GOLGA2: variants seen among roughly 807,000 people sequenced by gnomAD.
GOLGA2 encodes golgin A2.
GOLGA2 carries 49 observed loss-of-function variants against 148.8 expected under a neutral mutation model. The ratio of observed to expected loss-of-function variants is 0.33; its 90% CI spans 0.26 to 0.42. The LOEUF (loss-of-function observed/expected upper bound fraction) is 0.42. Among genes scored for constraint, GOLGA2 ranks in the 10% least tolerant of loss-of-function variants. The pLI, the probability that GOLGA2 is intolerant of heterozygous loss-of-function variation, is 1.00. For synonymous variants in GOLGA2, 501 were observed against 511.8 expected, an observed-to-expected ratio of 0.98 and a Z score of 0.28; for missense variants, 1,178 against 1,304.6, an observed-to-expected ratio of 0.90 and a Z score of 1.49.
chr9:128,268,300 T>TC (rs1289046056), intron 4 of GOLGA2, 120 bp downstream of exon 4: 3 of 1,060,214 alleles, frequency 2.8e-6, no homozygotes, highest in Non-Finnish European at 2.9e-6. Context: ...GTCTGAGCCT[T>TC]CCCCCGGCCC....
chr9:128,268,587 C>T, intron 3 of GOLGA2, 63 bp from the exon 4 acceptor site: 1 of 847,412 alleles, frequency 1.2e-6, no homozygotes, highest in Non-Finnish European at 2.0e-6. Flanking sequence ...GTACTATGAA[C>T]ACAAGGGTGT....
rs139865331 is a variant in GOLGA2 at position 128,269,796 on chromosome 9, C to T, written c.289-1272G>A. ...ACCTCTCTCCAGGGAAAGGACTGCG[C>T]GCTCACTGGACCCTTCAGCCCTGGC... On this transcript the variant is annotated intron_variant, in intron 3 of 26. Transcript: ENST00000611957. 7.7e-3 allele frequency among the ~76,000 whole-genome samples: 1,176 copies of T among 152,332 alleles called. 12 individuals are homozygous for T. The highest frequency in any genetic ancestry group is 0.026 in the African/African-American group (1,072 of 41,564).
chr9:128,267,509 T>C lies in GOLGA2; in HGVS notation c.510A>G (p.Thr170=), dbSNP rs754013748. ...QLNGLVCESA[T]CVNGEGPASS... is the part of the protein sequence containing the mutation. ...ATGCAGGGCCCTCCCCATTGACACA[T>C]GTCGCAGACTATAAGAGACGAGAGT... Residue 170 remains threonine (T), a synonymous_variant, in exon 7 of 27, where the codon ACA becomes ACG. Transcript: ENST00000611957. The C allele has an allele frequency of 3.8e-5, 61 of 1,612,162 alleles. No homozygotes were observed. Among genetic ancestry groups the C allele is most frequent in the Non-Finnish European group, 4.9e-5 (58 of 1,178,302 alleles).
In GOLGA2 at chr9:128,261,029, C is replaced by A; in HGVS notation, c.1420+143G>T. ...GGGGCACTGAGGCTCATGGAGATGA[C>A]GAGACTTGCCATCTCCTGGCACAGA... On this transcript the variant is annotated intron_variant, in intron 17 of 26. Transcript: ENST00000611957. This position sits in a 1 kb window ranked among gnomAD's most constrained non-coding sequence, Gnocchi z 5.7. The A allele has an allele frequency of 2.8e-6, 2 of 724,852 alleles. No homozygotes were observed. Among genetic ancestry groups the A allele is most frequent in the Non-Finnish European group, 4.9e-6 (2 of 405,818 alleles). 44.9% of individuals were successfully genotyped at this position (724,852 alleles called of 1,614,324 possible).
intron 7 of GOLGA2, 73 bp from the exon 8 acceptor site, chr9:128,267,347 G>T: frequency 7.2e-7 from 1 of 1,380,844 alleles, no homozygotes; most frequent in Non-Finnish European, 1.0e-6. Context: ...CATTAGGGTT[G>T]GGGGGTGTGT....
rs561281683 is a variant in GOLGA2, at chr9:128,262,076, C to T, written c.1135-319G>A. 56 of 319,756 alleles carry T rather than the reference C, an allele frequency of 1.8e-4. 2 individuals are homozygous for T. The South Asian group carries it at 2.1e-3, about 12-fold the overall frequency. The allele number at this position is 319,756 out of a possible 1,614,324, so 19.8% of individuals were successfully genotyped here. ...ATTAGCCAGGCATGGTAGTGTGCGC[C>T]TGTAGTCCCAACTACTTGAGAAGCT... On this transcript the variant is annotated intron_variant, in intron 14 of 26. Coordinates refer to ENST00000611957, the MANE Select transcript of GOLGA2 (RefSeq NM_001366244.2).
chr9:128,257,042 A>C lies in GOLGA2; in HGVS notation c.*25T>G. On this transcript the variant is annotated 3_prime_UTR_variant, in exon 27 of 27. Transcript: ENST00000611957. This position sits in a 1 kb window ranked among gnomAD's most constrained non-coding sequence, Gnocchi z 8.0. ...GCAGGGTATCCAGCCCCACTTCTTCAGGCTTTGCTGACAGTAGCCGGCTTT... is the reference window on the plus strand; with the variant it reads ...GCAGGGTATCCAGCCCCACTTCTTCCGGCTTTGCTGACAGTAGCCGGCTTT... 6.4e-7 allele frequency: 1 copy of C among 1,563,442 alleles called. No homozygotes were observed. Among genetic ancestry groups the C allele is most frequent in the East Asian group, 2.2e-5 (1 of 44,496 alleles).
intron 3 of GOLGA2, among the ~76,000 whole-genome samples, chr9:128,272,356 C>T (rs1185570283): frequency 6.6e-6 from 1 of 151,910 alleles, no homozygotes; most frequent in Admixed American, 6.6e-5. Flanking sequence ...TGGTGGCAGG[C>T]ACCTGTAATC....
rs751648610 is a variant in GOLGA2 at position 128,265,701 on chromosome 9, G to A, written c.827-10C>T. On this transcript the variant is annotated splice_polypyrimidine_tract_variant and intron_variant, in intron 11 of 26. Transcript: ENST00000611957. ...AGATCTTCAGACTCTCCTGGAATGAGAGAGGTTGAGATGGGGCCCAAAGGA... is the reference window on the plus strand; with the variant it reads ...AGATCTTCAGACTCTCCTGGAATGAAAGAGGTTGAGATGGGGCCCAAAGGA... 1.2e-6 allele frequency: 2 copies of A among 1,613,236 alleles called. No individual in the cohort carries two copies. The highest frequency in any genetic ancestry group is 1.7e-6 in the Non-Finnish European group (2 of 1,179,206).
chr9:128,272,480 GA>G (rs961860424), intron 3 of GOLGA2, among the ~76,000 whole-genome samples: 9 of 144,438 alleles, frequency 6.2e-5, no homozygotes, highest in African/African-American at 2.3e-4. Flanking sequence ...CTCCGTCTCT[GA>G]AAAAAAAAGA....
rs1246451463 is a variant in GOLGA2, at chr9:128,258,102, C to T, written c.2386G>A (p.Ala796Thr). 4.3e-6 allele frequency: 7 copies of T among 1,609,940 alleles called. No homozygotes were observed. The Admixed American group carries it at 8.3e-5, about 19-fold the overall frequency. The change falls in exon 23 of 27, where the codon GCT (alanine) becomes ACT (threonine). Residue 796 changes from alanine (A) to threonine (T), a missense_variant. Ala to Thr is a moderately conservative substitution (Grantham distance 58). This residue lies in a region of GOLGA2 where 529 missense variants were observed against 521.8 expected (regional missense o/e 1.01). Coordinates refer to ENST00000611957, the MANE Select transcript of GOLGA2 (RefSeq NM_001366244.2). The surrounding 1 kb of genome is among the most constrained non-coding windows in gnomAD (Gnocchi z 6.6). ...TTCTGGGCCGAGGCCAGCAGGTGAG[C>T]CAGGCGCCGGCAGCGCACCCTTTGC... ...KEQRVRCRRL[A>T]HLLASAQKEP...
rs993587061 is a variant in GOLGA2 at position 128,257,293 on chromosome 9, G to C, written c.2876-12C>G. On this transcript the variant is annotated splice_polypyrimidine_tract_variant and intron_variant, in intron 26 of 26. Transcript: ENST00000611957. The surrounding 1 kb of genome is among the most constrained non-coding windows in gnomAD (Gnocchi z 8.0). ...CACCTCGCAAAGATCTTTGGAGAGA[G>C]AGAGGCAGGGCTCTGAGTGCCACGC... 15 of 1,612,642 alleles carry C rather than the reference G, an allele frequency of 9.3e-6. No homozygotes were observed. Among genetic ancestry groups the C allele is most frequent in the Non-Finnish European group, 1.3e-5 (15 of 1,179,688 alleles).
At position 128,260,602 on chromosome 9, in the gene GOLGA2, A is replaced by C; in HGVS notation, c.1621T>G (p.Trp541Gly). Reference protein sequence around the residue: ...LLELERAAELWGEQAEARRQI... With the variant: ...LLELERAAELGGEQAEARRQI... Reference sequence around the variant, plus strand: ...CTGCGCGCCTCCGCCTGCTCCCCCCAGAGCTCGGCCGCCCGCTCCAGCTCC... The same window carrying C: ...CTGCGCGCCTCCGCCTGCTCCCCCCCGAGCTCGGCCGCCCGCTCCAGCTCC... Residue 541 changes from tryptophan to glycine, a missense_variant, in exon 18 of 27, where the codon TGG becomes GGG. By Grantham distance (184) the Trp-to-Gly change is radical. Transcript: ENST00000611957. This position sits in a 1 kb window ranked among gnomAD's most constrained non-coding sequence, Gnocchi z 4.8. The C allele has an allele frequency of 6.2e-7, 1 of 1,611,464 alleles. No individual in the cohort carries two copies. The highest frequency in any genetic ancestry group is 1.3e-5 in the African/African-American group (1 of 75,032).
chr9:128,275,754 A>T, intron 1 of GOLGA2, 139 bp downstream of exon 1: 1 of 589,014 alleles, frequency 1.7e-6, no homozygotes, highest in Admixed American at 3.7e-5. Context: ...GGCTGACAAG[A>T]CTTTGGTGGA....
In GOLGA2 at chr9:128,262,577, G is replaced by T. The variant is rs200632534; in HGVS notation, c.1120C>A (p.Leu374Ile). 1 of 1,614,120 alleles carries T rather than the reference G, an allele frequency of 6.2e-7. No individual in the cohort carries two copies. The highest frequency in any genetic ancestry group is 1.3e-5 in the African/African-American group (1 of 75,058). Residue 374 changes from leucine to isoleucine, a missense_variant, in exon 14 of 27, where the codon CTC becomes ATC. By Grantham distance (5) the Leu-to-Ile change is conservative. Transcript: ENST00000611957. ...CAGCCTCTTGCCTGTTGAAGCAGGA[G>T]TTCCGTCATCTCTAACTTCTTTTGC... ...ELQKKLEMTE[L>I]LLQQFSSRCE...
Position 128,266,520 on chromosome 9 carries a change from A to G in GOLGA2, c.643-195T>C. On this transcript the variant is annotated intron_variant, in intron 8 of 26. Coordinates refer to ENST00000611957, the MANE Select transcript of GOLGA2 (RefSeq NM_001366244.2). This position sits in a 1 kb window ranked among gnomAD's most constrained non-coding sequence, Gnocchi z 4.2. ...TGTGTCTTTGTTGGTTTTTGCCCACAGCCACAGAACTGAAAGTCTGAATCT... is the reference window on the plus strand; with the variant it reads ...TGTGTCTTTGTTGGTTTTTGCCCACGGCCACAGAACTGAAAGTCTGAATCT... The G allele has an allele frequency of 1.6e-6, 1 of 610,476 alleles. No homozygotes were observed. The highest frequency in any genetic ancestry group is 2.9e-6 in the Non-Finnish European group (1 of 344,886). 37.8% of individuals were successfully genotyped at this position (610,476 alleles called of 1,614,324 possible). A position where few individuals can be genotyped will look rare whatever the true frequency, so the allele number is the denominator to read the frequency against.
chr9:128,275,578 G>A (rs1278247685), intron 1 of GOLGA2: 1 of 1,110,256 alleles, frequency 9.0e-7, no homozygotes, highest in Non-Finnish European at 1.2e-6. Flanking sequence ...AATTGCTGGG[G>A]TCCTAGGTCC....
rs751911459 is a variant in GOLGA2, at chr9:128,275,972, C to T, written c.5G>A (p.Trp2Ter). ...GCGGGGAGGGAGGCGGGGTTGGGGC[C>T]ACATCAGCGCGATCCCGGCAACCAC... is the stretch of plus-strand genomic sequence containing the variant. The part of the protein sequence containing the change: M[W>*]PQPRLPPRPA... Residue 2 changes from tryptophan (W) to a stop codon, truncating the protein, a stop_gained, in exon 1 of 27, where the codon TGG (tryptophan) becomes TAG (stop). Transcript: ENST00000611957. LOFTEE classifies it high-confidence loss of function. The T allele has an allele frequency of 3.1e-6, 5 of 1,596,940 alleles. No homozygotes were observed. The highest frequency in any genetic ancestry group is 4.3e-6 in the Non-Finnish European group (5 of 1,171,196).
Position 128,268,020 on chromosome 9 carries a change from C to G in GOLGA2, c.438-23G>C, listed in dbSNP as rs764262756. The G allele has an allele frequency of 1.9e-6, 3 of 1,611,400 alleles. No individual in the cohort carries two copies. The Admixed American group carries it at 5.0e-5, about 27-fold the overall frequency. On this transcript the variant is annotated intron_variant, in intron 5 of 26. Coordinates refer to ENST00000611957, the MANE Select transcript of GOLGA2 (RefSeq NM_001366244.2). ...GTCCTAGGGATGGAGACACAGGGGTCAGGGGTGCAGGTGGCTCAATGGGAA... is the reference window on the plus strand; with the variant it reads ...GTCCTAGGGATGGAGACACAGGGGTGAGGGGTGCAGGTGGCTCAATGGGAA...
Sources: gnomAD v4.1 joint callset for allele counts (sites outside exome capture counted in the v4.1 genomes callset) on GRCh38, gnomAD v4.1.1 for gene constraint, gnomAD v4.1.1 regional missense constraint, Gnocchi (gnomAD v3.1) non-coding constraint, MANE v1.5 for transcripts, NCBI Gene and HGNC (gene_info 2026-07-23, HGNC 2026-07-21) for gene names.